ZBTB8A: variants seen among roughly 807,000 people sequenced by gnomAD.
ZBTB8A encodes zinc finger and BTB domain containing 8A, also known as zinc finger and BTB domain-containing protein 8A.
In ZBTB8A, 19 loss-of-function variants were observed where a neutral mutation model predicts 37.8. The ratio of observed to expected loss-of-function variants is 0.50; its 90% CI spans 0.35 to 0.74. The LOEUF (loss-of-function observed/expected upper bound fraction) is 0.74. ZBTB8A is among the 30% of genes least tolerant of loss of function. The pLI is 0.01. For synonymous variants in ZBTB8A, 181 were observed against 185.2 expected (o/e 0.98, Z 0.19); for missense variants, 394 against 537.8 (o/e 0.73, Z 2.65).
At chr1:32,586,070 C>A (rs1457810579) in intron 2 of ZBTB8A, among the ~76,000 whole-genome samples, 1 of 151,674 alleles carries the variant, frequency 6.6e-6, no homozygotes, top group Non-Finnish European at 1.5e-5. Flanking sequence ...GTAATGTCAG[C>A]ACTTTGGGAG....
intron 2 of ZBTB8A, among the ~76,000 whole-genome samples, chr1:32,579,656 A>AT (rs548401376): frequency 5.9e-4 from 90 of 152,058 alleles, no homozygotes; most frequent in Admixed American, 2.6e-3. Context: ...ATTCAGTGTG[A>AT]TTTTCTCTTC....
At chr1:32,540,546 A>G (rs1241992430) in intron 1 of ZBTB8A, among the ~76,000 whole-genome samples, 2 of 152,178 alleles carry the variant, frequency 1.3e-5, no homozygotes, top group East Asian at 3.8e-4. Context: ...CCTCTAGGCT[A>G]GGGTGACCAT....
intron 2 of ZBTB8A, among the ~76,000 whole-genome samples, chr1:32,577,806 C>G: frequency 6.6e-6 from 1 of 151,898 alleles, no homozygotes. Flanking sequence ...TGGTCTCAAA[C>G]TCCTGGCCTC....
In ZBTB8A at chr1:32,572,584, T is replaced by C. The variant is rs558381823; in HGVS notation, c.-2+19044T>C. Among the ~76,000 whole-genome samples the C allele has an allele frequency of 2.0e-5, 3 of 152,062 alleles. No individual in the cohort carries two copies. The East Asian group carries it at 5.8e-4, about 29-fold the overall frequency. ...CTAATTTTTGTATTTTTAGTAGAGATGGGGTTTCGCCATGTTGGCCAGGCT... is the reference window on the plus strand; with the variant it reads ...CTAATTTTTGTATTTTTAGTAGAGACGGGGTTTCGCCATGTTGGCCAGGCT... On this transcript the variant is annotated intron_variant, in intron 2 of 4. Coordinates refer to ENST00000373510, the MANE Select transcript of ZBTB8A (RefSeq NM_001040441.3).
rs1258372348 is a variant in ZBTB8A, at chr1:32,601,175, A to G, written c.*756A>G. On this transcript the variant is annotated 3_prime_UTR_variant, in exon 5 of 5. Coordinates refer to ENST00000373510, the MANE Select transcript of ZBTB8A (RefSeq NM_001040441.3). The stretch of plus-strand genomic sequence containing the variant: ...AGACAATCTGTCAATATGGTTGTCC[A>G]TCTCTCTAAAGAAAAGCAGGCTGGG... 6.5e-6 allele frequency: 1 copy of G among 152,952 alleles called. No homozygotes were observed. The highest frequency in any genetic ancestry group is 1.5e-5 in the Non-Finnish European group (1 of 68,580). 9.5% of individuals were successfully genotyped at this position (152,952 alleles called of 1,614,324 possible).
At chr1:32,595,282 T>C in intron 4 of ZBTB8A, 59 bp downstream of exon 4, 1 of 1,565,796 alleles carries the variant, frequency 6.4e-7, no homozygotes, top group African/African-American at 1.4e-5. Context: ...GTTTTTGTTT[T>C]TTTGAGATGG....
intron 2 of ZBTB8A, among the ~76,000 whole-genome samples, chr1:32,590,811 C>G (rs1034419204): frequency 6.6e-6 from 1 of 152,090 alleles, no homozygotes; most frequent in Non-Finnish European, 1.5e-5. Context: ...GGATACTACT[C>G]ATAGCCCCTT....
At chr1:32,566,799 G>A (rs1241942039) in intron 2 of ZBTB8A, among the ~76,000 whole-genome samples, 2 of 152,288 alleles carry the variant, frequency 1.3e-5, no homozygotes, top group Middle Eastern at 6.8e-3. Flanking sequence ...TCACTCCTGG[G>A]TGAGGAATGT....
intron 2 of ZBTB8A, among the ~76,000 whole-genome samples, chr1:32,588,165 A>G (rs1251872867): frequency 6.6e-6 from 1 of 152,092 alleles, no homozygotes; most frequent in Non-Finnish European, 1.5e-5. Flanking sequence ...TAGCAAATTA[A>G]TCAAACTTAA....
intron 4 of ZBTB8A, among the ~76,000 whole-genome samples, chr1:32,599,764 A>G (rs1163287067): frequency 6.6e-6 from 1 of 151,976 alleles, no homozygotes; most frequent in Non-Finnish European, 1.5e-5. Context: ...TTAAATAAGT[A>G]CATGGCACAT....
chr1:32,554,532 C>T (rs1469233880), intron 2 of ZBTB8A, among the ~76,000 whole-genome samples: 1 of 150,850 alleles, frequency 6.6e-6, no homozygotes, highest in Non-Finnish European at 1.5e-5. Flanking sequence ...TGTAGTCTGG[C>T]TCTGTCGGCC....
intron 1 of ZBTB8A, among the ~76,000 whole-genome samples, chr1:32,548,850 G>T (rs1207898562): frequency 1.3e-5 from 2 of 152,038 alleles, no homozygotes; most frequent in African/African-American, 2.4e-5. Context: ...TAAGCTATAG[G>T]TATTATTATT....
At chr1:32,568,393 C>CT (rs530222719) in intron 2 of ZBTB8A, among the ~76,000 whole-genome samples, 167 of 144,924 alleles carry the variant, frequency 1.2e-3, no homozygotes, top group Middle Eastern at 3.6e-3. Context: ...TCTGCCTATT[C>CT]TTTTTTTTTT....
chr1:32,558,102 T>C (rs1240246234), intron 2 of ZBTB8A, among the ~76,000 whole-genome samples: 1 of 152,130 alleles, frequency 6.6e-6, no homozygotes, highest in East Asian at 1.9e-4. Context: ...TAGACCTATA[T>C]ATAAACTCTG....
chr1:32,545,370 A>G (rs1199415632), intron 1 of ZBTB8A, among the ~76,000 whole-genome samples: 7 of 152,052 alleles, frequency 4.6e-5, no homozygotes, highest in Non-Finnish European at 1.0e-4. Context: ...GCTTATTTCT[A>G]TTTGTCTTAT....
In ZBTB8A at chr1:32,600,707, C is replaced by A; in HGVS notation, c.*288C>A. ...ATCCTCTTACTTTATTCCAGAGATACCTTTTTCTTTTAATATTGGAGGATC... is the reference window on the plus strand; with the variant it reads ...ATCCTCTTACTTTATTCCAGAGATAACTTTTTCTTTTAATATTGGAGGATC... On this transcript the variant is annotated 3_prime_UTR_variant, in exon 5 of 5. Transcript: ENST00000373510. 1 of 250,618 alleles carries A rather than the reference C, an allele frequency of 4.0e-6. No individual in the cohort carries two copies. Among genetic ancestry groups the A allele is most frequent in the Non-Finnish European group, 7.6e-6 (1 of 131,474 alleles). 15.5% of individuals were successfully genotyped at this position (250,618 alleles called of 1,614,324 possible).
At chr1:32,567,814 A>ACC (rs796332471) in intron 2 of ZBTB8A, among the ~76,000 whole-genome samples, 1 of 30,478 alleles carries the variant, frequency 3.3e-5, no homozygotes, top group African/African-American at 1.7e-4. Flanking sequence ...AAAAAAAAAA[A>ACC]AAAAAAAAAC....
chr1:32,577,258 G>A (rs764976079), intron 2 of ZBTB8A, among the ~76,000 whole-genome samples: 1 of 151,614 alleles, frequency 6.6e-6, no homozygotes, highest in African/African-American at 2.4e-5. Context: ...GCAGTGGCGC[G>A]ATCTCAGCTC....
At chr1:32,543,867 AG>A (rs1644079341) in intron 1 of ZBTB8A, among the ~76,000 whole-genome samples, 1 of 151,922 alleles carries the variant, frequency 6.6e-6, no homozygotes, top group Non-Finnish European at 1.5e-5. Flanking sequence ...TAGTAGAGAC[AG>A]GGTTTCACCG....
Sources: gnomAD v4.1 joint callset for allele counts (sites outside exome capture counted in the v4.1 genomes callset) on GRCh38, gnomAD v4.1.1 for gene constraint, MANE v1.5 for transcripts, NCBI Gene and HGNC (gene_info 2026-07-23, HGNC 2026-07-21) for gene names.